PGBD5: variants seen among roughly 807,000 people sequenced by gnomAD.
PGBD5 encodes the protein piggyBac transposable element-derived protein 5.
In PGBD5, 14 loss-of-function variants were observed where a neutral mutation model predicts 47.9. That is an observed-to-expected ratio of 0.29 (90% CI 0.19 to 0.46). The LOEUF (loss-of-function observed/expected upper bound fraction) is 0.46, where lower values mean the gene tolerates loss of function less well. PGBD5 is among the 20% of genes least tolerant of loss of function. The probability of loss-of-function intolerance (pLI) is 1.00; values close to 1 mark genes in which losing one functional copy is unlikely to be tolerated. For missense variants in PGBD5, 635 were observed against 716.0 expected, an observed-to-expected ratio of 0.89 and a Z score of 1.29; for synonymous variants, 316 against 306.3, an observed-to-expected ratio of 1.03 and a Z score of -0.33.
At chr1:230,349,562 C>T (rs1157450682) in intron 3 of PGBD5, among the ~76,000 whole-genome samples, 1 of 143,720 alleles carries the variant, frequency 7.0e-6, no homozygotes, top group African/African-American at 2.5e-5. Context: ...AAAAAGCTAC[C>T]TAGGCAGATC....
chr1:230,372,097 C>T (rs183269283), intron 1 of PGBD5, among the ~76,000 whole-genome samples: 1 of 152,226 alleles, frequency 6.6e-6, no homozygotes, highest in African/African-American at 2.4e-5. Flanking sequence ...TAGGCGATGC[C>T]CCAAGAGAAC....
chr1:230,333,117 C>G (rs919207324), intron 4 of PGBD5, 76 bp from the exon 5 acceptor site: 4 of 1,470,512 alleles, frequency 2.7e-6, no homozygotes, highest in African/African-American at 2.8e-5. Context: ...CTGGGCACCC[C>G]CAAGGAAAGG....
At chr1:230,355,377 T>C (rs1394998739) in intron 2 of PGBD5, among the ~76,000 whole-genome samples, 2 of 152,228 alleles carry the variant, frequency 1.3e-5, no homozygotes, top group Non-Finnish European at 2.9e-5. Context: ...AGATACCTCT[T>C]GAGAGATACT....
chr1:230,419,683 TG>T (rs1236991692), intron 1 of PGBD5, among the ~76,000 whole-genome samples: 2 of 152,214 alleles, frequency 1.3e-5, no homozygotes, highest in Non-Finnish European at 2.9e-5. Flanking sequence ...ATGGACTCTC[TG>T]GGGTACTGCT....
chr1:230,420,189 C>T (rs1235142748), intron 1 of PGBD5, among the ~76,000 whole-genome samples: 2 of 152,062 alleles, frequency 1.3e-5, no homozygotes, highest in East Asian at 1.9e-4. Flanking sequence ...AATTTAACAG[C>T]AAACAAAGGG....
rs188713387 is a variant in PGBD5 at position 230,378,564 on chromosome 1, T to C, written c.332-21243A>G. On this transcript the variant is annotated intron_variant, in intron 1 of 6. Transcript: ENST00000391860. Reference sequence around the variant, plus strand: ...AGCTGGGATTTCTCCTGATTGTGTGTAGTTCTCTGAAGGAAGGTGCCACCT... The same window carrying C: ...AGCTGGGATTTCTCCTGATTGTGTGCAGTTCTCTGAAGGAAGGTGCCACCT... 3.7e-3 allele frequency among the ~76,000 whole-genome samples: 556 copies of C among 152,296 alleles called. 2 individuals carry two copies. Among genetic ancestry groups the C allele is most frequent in the Middle Eastern group, 0.027 (8 of 294 alleles).
intron 1 of PGBD5, among the ~76,000 whole-genome samples, chr1:230,398,518 G>A (rs1386550228): frequency 2.0e-5 from 3 of 152,214 alleles, no homozygotes; most frequent in Non-Finnish European, 4.4e-5. Context: ...TGAAGTACTA[G>A]GGGTTAGGAC....
rs1172647744 is a variant in PGBD5 at position 230,320,412 on chromosome 1, G to A, written c.*3013C>T. The A allele has an allele frequency of 1.3e-5, 2 of 152,204 alleles. No individual in the cohort carries two copies. Among genetic ancestry groups the A allele is most frequent in the African/African-American group, 4.8e-5 (2 of 41,442 alleles). 9.4% of individuals were successfully genotyped at this position (152,204 alleles called of 1,614,324 possible). On this transcript the variant is annotated 3_prime_UTR_variant, in exon 7 of 7. Coordinates refer to ENST00000391860, the MANE Select transcript of PGBD5 (RefSeq NM_001258311.2). ...AGATTCTCTTTGGAGAAGCTTGGAA[G>A]TTTTTGTGGGTGTTTTGTTTTGCAT...
At chr1:230,423,927 G>A (rs950475951) in intron 1 of PGBD5, among the ~76,000 whole-genome samples, 1 of 152,160 alleles carries the variant, frequency 6.6e-6, no homozygotes, top group Non-Finnish European at 1.5e-5. Context: ...GGATTAAATG[G>A]CTCTGCTGCA....
chr1:230,332,697 C>T (rs895777367), intron 5 of PGBD5, 147 bp downstream of exon 5: 2 of 885,558 alleles, frequency 2.3e-6, no homozygotes, highest in Non-Finnish European at 1.7e-6. Flanking sequence ...AGGAGCGTGG[C>T]CCCAGATGCT....
intron 3 of PGBD5, among the ~76,000 whole-genome samples, chr1:230,341,463 C>G (rs568756183): frequency 2.6e-5 from 4 of 152,328 alleles, no homozygotes; most frequent in African/African-American, 9.6e-5. Context: ...GCTATACAAG[C>G]TATGCTAATG....
Position 230,357,440 on chromosome 1 carries a change from T to C in PGBD5, c.332-119A>G. 1 of 1,078,300 alleles carries C rather than the reference T, an allele frequency of 9.3e-7. No individual in the cohort carries two copies. The highest frequency in any genetic ancestry group is 1.3e-6 in the Non-Finnish European group (1 of 758,616). 66.8% of individuals were successfully genotyped at this position (1,078,300 alleles called of 1,614,324 possible). ...GGCCGAGTGCCCCCGCTGCCTCCAGTGCTACCGCCTTCCCCTCCAACCTTC... is the reference window on the plus strand; with the variant it reads ...GGCCGAGTGCCCCCGCTGCCTCCAGCGCTACCGCCTTCCCCTCCAACCTTC... On this transcript the variant is annotated intron_variant, in intron 1 of 6. Coordinates refer to ENST00000391860, the MANE Select transcript of PGBD5 (RefSeq NM_001258311.2). This position sits in a 1 kb window ranked among gnomAD's most constrained non-coding sequence, Gnocchi z 5.7.
chr1:230,364,880 C>T (rs1362390573), intron 1 of PGBD5, among the ~76,000 whole-genome samples: 1 of 152,062 alleles, frequency 6.6e-6, no homozygotes, highest in African/African-American at 2.4e-5. Flanking sequence ...ATTAGCCAGA[C>T]GCAGTGGTGT....
intron 1 of PGBD5, among the ~76,000 whole-genome samples, chr1:230,402,098 TCA>T (rs1657152022): frequency 6.6e-6 from 1 of 152,202 alleles, no homozygotes; most frequent in African/African-American, 2.4e-5. Context: ...CCTTTCAGGC[TCA>T]GATTTTTCCA....
At chr1:230,377,756 A>G in intron 1 of PGBD5, 1 of 1,344,694 alleles carries the variant, frequency 7.4e-7, no homozygotes, top group Non-Finnish European at 9.8e-7. Context: ...AATACTGTGC[A>G]TAAAGCACAG....
intron 4 of PGBD5, 127 bp from the exon 5 acceptor site, chr1:230,333,168 A>T (rs1667250744): frequency 1.0e-6 from 1 of 974,698 alleles, no homozygotes; most frequent in Admixed American, 2.5e-5. Context: ...TGGGAGTCAG[A>T]CCCTCTAGAG....
chr1:230,405,677 T>TA (rs1396280885), intron 1 of PGBD5, among the ~76,000 whole-genome samples: 1 of 151,904 alleles, frequency 6.6e-6, no homozygotes, highest in Non-Finnish European at 1.5e-5. Flanking sequence ...AGGACAACAG[T>TA]AAAAAAAGGT....
chr1:230,396,976 G>A (rs896027060), intron 1 of PGBD5, among the ~76,000 whole-genome samples: 1 of 152,332 alleles, frequency 6.6e-6, no homozygotes, highest in East Asian at 1.9e-4. Context: ...CTTTCCAGGG[G>A]TTTGGAGTCA....
rs1667107582 is a variant in PGBD5, at chr1:230,325,808, G to A, written c.1274-393C>T. ...CCCTCCCCCTTCTGCCAGGCTGGGTGAGGGATGCTAGGAAGAAGAGGTGGT... is the reference window on the plus strand; with the variant it reads ...CCCTCCCCCTTCTGCCAGGCTGGGTAAGGGATGCTAGGAAGAAGAGGTGGT... On this transcript the variant is annotated intron_variant, in intron 5 of 6. Coordinates refer to ENST00000391860, the MANE Select transcript of PGBD5 (RefSeq NM_001258311.2). Among the ~76,000 whole-genome samples, 3 of 152,238 alleles carry A rather than the reference G, an allele frequency of 2.0e-5. No homozygotes were observed. The South Asian group carries it at 6.2e-4, about 32-fold the overall frequency.
Sources: gnomAD v4.1 joint callset for allele counts (sites outside exome capture counted in the v4.1 genomes callset) on GRCh38, gnomAD v4.1.1 for gene constraint, Gnocchi (gnomAD v3.1) non-coding constraint, MANE v1.5 for transcripts, NCBI Gene and HGNC (gene_info 2026-07-23, HGNC 2026-07-21) for gene names.